The following CSMD1 variants were observed in gnomAD, a reference collection of about 807,000 sequenced individuals.
CSMD1 encodes CUB and sushi domain-containing protein 1.
Under a neutral mutation model 417.5 loss-of-function variants are expected in CSMD1, and 213 were observed. The ratio of observed to expected loss-of-function variants is 0.51; its 90% confidence interval spans 0.46 to 0.57. The LOEUF is 0.57. Ranked by LOEUF, CSMD1 falls within the 20% of genes least tolerant of loss-of-function variation. CSMD1 has a pLI of 0.00. For missense variants in CSMD1, 6,923 were observed against 4,529.7 expected (o/e 1.53, Z -15.17); for synonymous variants, 2,862 against 1,736.8 (o/e 1.65, Z -16.11).
intron 2 of CSMD1, among the ~76,000 whole-genome samples, chr8:4,572,557 C>G (rs550750106): frequency 6.6e-6 from 1 of 152,214 alleles, no homozygotes; most frequent in African/African-American, 2.4e-5. Flanking sequence ...GCATTTTTTC[C>G]TGTGTTTCAA....
chr8:3,664,465 T>A (rs902896180), intron 7 of CSMD1, among the ~76,000 whole-genome samples: 1 of 152,232 alleles, frequency 6.6e-6, no homozygotes, highest in African/African-American at 2.4e-5. Context: ...TCAGAAAGCA[T>A]AGGCAGCTCA....
At chr8:3,803,645 G>A (rs754407918) in intron 5 of CSMD1, among the ~76,000 whole-genome samples, 3 of 152,164 alleles carry the variant, frequency 2.0e-5, no homozygotes, top group Non-Finnish European at 4.4e-5. Context: ...GGAAGGAGAG[G>A]AGGGTTCATA....
intron 33 of CSMD1, among the ~76,000 whole-genome samples, chr8:3,194,062 G>A (rs112093089): frequency 1.2e-3 from 189 of 152,204 alleles, no homozygotes; most frequent in African/African-American, 4.3e-3. Flanking sequence ...CTCTCTCATC[G>A]TTGGAAAATC....
At chr8:3,142,225 G>C (rs1025319080) in intron 41 of CSMD1, among the ~76,000 whole-genome samples, 1 of 152,150 alleles carries the variant, frequency 6.6e-6, no homozygotes, top group African/African-American at 2.4e-5. Context: ...TTCCCGTCTT[G>C]ATAAATCGGC....
intron 6 of CSMD1, among the ~76,000 whole-genome samples, chr8:3,719,570 A>G (rs1218670918): frequency 6.6e-6 from 1 of 152,222 alleles, no homozygotes; most frequent in Non-Finnish European, 1.5e-5. Context: ...TGTAAGAGCA[A>G]TAATACATCT....
chr8:4,251,822 G>C (rs1803101239), intron 3 of CSMD1, among the ~76,000 whole-genome samples: 1 of 146,778 alleles, frequency 6.8e-6, no homozygotes. Flanking sequence ...GATGGAGGAG[G>C]AGAGATGGAA....
intron 3 of CSMD1, among the ~76,000 whole-genome samples, chr8:4,064,628 C>G (rs539289299): frequency 5.4e-4 from 82 of 152,292 alleles, no homozygotes; most frequent in African/African-American, 1.7e-3. Flanking sequence ...ACACCTGTGC[C>G]TTCACATACA....
At chr8:4,905,737 G>C (rs917593767) in intron 1 of CSMD1, among the ~76,000 whole-genome samples, 2 of 148,232 alleles carry the variant, frequency 1.3e-5, no homozygotes, top group African/African-American at 2.5e-5. Context: ...GGAGAATGGC[G>C]TGAAACCGGG....
At chr8:2,952,496 A>G (rs1392728133) in intron 65 of CSMD1, among the ~76,000 whole-genome samples, 1 of 152,174 alleles carries the variant, frequency 6.6e-6, no homozygotes, top group African/African-American at 2.4e-5. Flanking sequence ...TCTCATAATA[A>G]TAGTGATAAT....
rs1815889268 is a variant in CSMD1 at position 4,003,787 on chromosome 8, C to G, written c.611-5677G>C. Among the ~76,000 whole-genome samples the G allele has an allele frequency of 2.0e-5, 3 of 152,218 alleles. No homozygotes were observed. The South Asian group carries it at 6.2e-4, about 32-fold the overall frequency. On this transcript the variant is annotated intron_variant, in intron 4 of 69. Transcript: ENST00000635120. ...GCCGGCAAATTACTCAACTTAGGGTCTGATGTCTACTGAGTATATTGTACG... is the reference window on the plus strand; with the variant it reads ...GCCGGCAAATTACTCAACTTAGGGTGTGATGTCTACTGAGTATATTGTACG...
At chr8:4,930,896 C>G (rs1807204357) in intron 1 of CSMD1, among the ~76,000 whole-genome samples, 1 of 152,146 alleles carries the variant, frequency 6.6e-6, no homozygotes, top group Non-Finnish European at 1.5e-5. Flanking sequence ...GTCTAGTTTT[C>G]TGTATCCCAC....
intron 5 of CSMD1, among the ~76,000 whole-genome samples, chr8:3,965,635 T>G (rs1812632896): frequency 6.6e-6 from 1 of 152,114 alleles, no homozygotes; most frequent in South Asian, 2.1e-4. Flanking sequence ...TATTTATTTT[T>G]GAAATGGAGT....
intron 3 of CSMD1, among the ~76,000 whole-genome samples, chr8:4,149,489 T>C (rs1439759474): frequency 6.6e-6 from 1 of 152,336 alleles, no homozygotes; most frequent in African/African-American, 2.4e-5. Flanking sequence ...GATTACTCTA[T>C]CTGGAATCTT....
intron 5 of CSMD1, among the ~76,000 whole-genome samples, chr8:3,927,279 A>G (rs1809802584): frequency 6.6e-6 from 1 of 152,018 alleles, no homozygotes; most frequent in Non-Finnish European, 1.5e-5. Flanking sequence ...ATAAGCTAAT[A>G]ATTATTAAGG....
intron 3 of CSMD1, among the ~76,000 whole-genome samples, chr8:4,118,367 A>C (rs1802281320): frequency 6.6e-6 from 1 of 151,940 alleles, no homozygotes; most frequent in South Asian, 2.1e-4. Flanking sequence ...CAAATGTCTA[A>C]CATCCAGAAT....
At chr8:4,690,809 A>T (rs1030559880) in intron 1 of CSMD1, among the ~76,000 whole-genome samples, 2 of 152,004 alleles carry the variant, frequency 1.3e-5, no homozygotes, top group African/African-American at 4.8e-5. Context: ...GCTCACTGCA[A>T]CCTCTTCCTG....
intron 20 of CSMD1, among the ~76,000 whole-genome samples, chr8:3,364,137 G>A (rs907709002): frequency 6.6e-6 from 1 of 151,562 alleles, no homozygotes; most frequent in Non-Finnish European, 1.5e-5. Flanking sequence ...GTATAATAAA[G>A]TTGCTAGTTA....
intron 3 of CSMD1, among the ~76,000 whole-genome samples, chr8:4,102,968 C>A (rs1031543397): frequency 1.3e-5 from 2 of 152,260 alleles, no homozygotes; most frequent in Middle Eastern, 3.4e-3. Context: ...AACTTTAACA[C>A]GTGCAGAGCC....
intron 3 of CSMD1, among the ~76,000 whole-genome samples, chr8:4,253,680 T>C (rs1283728163): frequency 6.6e-6 from 1 of 152,076 alleles, no homozygotes; most frequent in East Asian, 1.9e-4. Flanking sequence ...CATACATTGA[T>C]TCTGCAATAT....
Sources: allele counts gnomAD v4.1 joint callset (sites outside exome capture counted in the v4.1 genomes callset), GRCh38; gene constraint gnomAD v4.1.1; transcripts MANE v1.5; gene names NCBI Gene and HGNC (gene_info 2026-07-23, HGNC 2026-07-21).